DAP: variants seen among roughly 807,000 people sequenced by gnomAD.
DAP encodes death associated protein.
In DAP, 8 loss-of-function variants were observed where a neutral mutation model predicts 13.8. The ratio of observed to expected loss-of-function variants is 0.58; its 90% CI spans 0.34 to 1.05. DAP has a LOEUF of 1.05. DAP is among the 50% of genes least tolerant of loss of function. The probability of loss-of-function intolerance (pLI) is 0.03; values close to 1 mark genes in which losing one functional copy is unlikely to be tolerated. For missense variants in DAP, 106 were observed against 133.2 expected, an observed-to-expected ratio of 0.80 and a Z score of 1.01; for synonymous variants, 47 against 47.5, an observed-to-expected ratio of 0.99 and a Z score of 0.04.
intron 2 of DAP, among the ~76,000 whole-genome samples, chr5:10,688,642 C>G (rs181253054): frequency 6.6e-6 from 1 of 151,758 alleles, no homozygotes; most frequent in Non-Finnish European, 1.5e-5. Context: ...TATTACTGTA[C>G]GTGTGTATTT....
chr5:10,704,263 T>G (rs935772955), intron 2 of DAP, among the ~76,000 whole-genome samples: 2 of 152,242 alleles, frequency 1.3e-5, no homozygotes, highest in African/African-American at 4.8e-5. Context: ...TTAATTTTTC[T>G]ACAGCAAAAT....
chr5:10,739,676 G>T (rs1380008071), intron 2 of DAP, among the ~76,000 whole-genome samples: 1 of 152,106 alleles, frequency 6.6e-6, no homozygotes, highest in Non-Finnish European at 1.5e-5. Flanking sequence ...GCCACTACAA[G>T]TGGGAAGGTT....
intron 2 of DAP, among the ~76,000 whole-genome samples, chr5:10,743,209 T>C (rs1249813914): frequency 1.3e-5 from 2 of 152,242 alleles, no homozygotes; most frequent in South Asian, 2.1e-4. Context: ...CCTTATAGTA[T>C]CCACTTAAAA....
intron 1 of DAP, among the ~76,000 whole-genome samples, chr5:10,759,725 A>C (rs1184143238): frequency 6.7e-6 from 1 of 150,162 alleles, no homozygotes; most frequent in Middle Eastern, 3.4e-3. Context: ...GGAGGACAGC[A>C]GAGAAGGATA....
chr5:10,710,027 C>T (rs1738803541), intron 2 of DAP, among the ~76,000 whole-genome samples: 1 of 152,202 alleles, frequency 6.6e-6, no homozygotes, highest in Non-Finnish European at 1.5e-5. Flanking sequence ...AGGCTGATTG[C>T]CAGGCTCTGT....
At chr5:10,724,155 T>G (rs1739225611) in intron 2 of DAP, among the ~76,000 whole-genome samples, 1 of 152,238 alleles carries the variant, frequency 6.6e-6, no homozygotes. Context: ...TAATCCTGTT[T>G]AAGCCTGAAA....
chr5:10,680,403 C>T lies in DAP; in HGVS notation c.*653G>A, dbSNP rs1658176701. The stretch of plus-strand genomic sequence containing the variant: ...CCGAGATCTCATGCCAGAAGTCCTC[C>T]CTCGGAGCTACCTGTCTCCAGCCTC... On this transcript the variant is annotated 3_prime_UTR_variant, in exon 4 of 4. Coordinates refer to ENST00000230895, the MANE Select transcript of DAP (RefSeq NM_004394.3). The T allele has an allele frequency of 3.0e-6, 1 of 338,690 alleles. No individual in the cohort carries two copies. The highest frequency in any genetic ancestry group is 2.1e-5 in the African/African-American group (1 of 47,062). The allele number at this position is 338,690 out of a possible 1,614,324, so 21.0% of individuals were successfully genotyped here.
chr5:10,735,085 T>A (rs145839688), intron 2 of DAP, among the ~76,000 whole-genome samples: 1 of 152,196 alleles, frequency 6.6e-6, no homozygotes, highest in African/African-American at 2.4e-5. Context: ...AGTATCATCC[T>A]CAATATATCC....
At position 10,721,779 on chromosome 5, in the gene DAP, G is replaced by A. The variant is rs138140801; in HGVS notation, c.152+26396C>T. Among the ~76,000 whole-genome samples the A allele has an allele frequency of 3.5e-3, 534 of 152,302 alleles. 3 individuals are homozygous for A. Among genetic ancestry groups the A allele is most frequent in the African/African-American group, 0.012 (519 of 41,560 alleles). ...CAGCTACGACCATGTGACCAGTTCCGGCTCCAGAAATGGGGACTGTAATTG... is the reference window on the plus strand; with the variant it reads ...CAGCTACGACCATGTGACCAGTTCCAGCTCCAGAAATGGGGACTGTAATTG... On this transcript the variant is annotated intron_variant, in intron 2 of 3. Transcript: ENST00000230895.
intron 2 of DAP, among the ~76,000 whole-genome samples, chr5:10,726,808 C>T (rs1398542159): frequency 6.6e-6 from 1 of 152,174 alleles, no homozygotes; most frequent in Admixed American, 6.5e-5. Flanking sequence ...GGTGCAAGAC[C>T]TCTGAGTCAG....
At chr5:10,739,810 C>T (rs936539654) in intron 2 of DAP, among the ~76,000 whole-genome samples, 2 of 152,016 alleles carry the variant, frequency 1.3e-5, no homozygotes, top group Admixed American at 1.3e-4. Flanking sequence ...CACACACACA[C>T]ACACACACAC....
At chr5:10,746,149 T>G (rs552621484) in intron 2 of DAP, among the ~76,000 whole-genome samples, 3 of 152,340 alleles carry the variant, frequency 2.0e-5, no homozygotes, top group Non-Finnish European at 4.4e-5. Flanking sequence ...TGCAAGGTTT[T>G]ATTCTCCTAA....
chr5:10,745,444 C>T (rs1005141443), intron 2 of DAP, among the ~76,000 whole-genome samples: 3 of 152,184 alleles, frequency 2.0e-5, no homozygotes, highest in African/African-American at 7.2e-5. Context: ...ACCCTGCAGT[C>T]GGCCTGCTTC....
In DAP at chr5:10,761,024, G is replaced by A. The variant is rs1740338359; in HGVS notation, c.45C>T (p.His15=). ...GAAAAGAGTCAGTACCGGCGGGCGG[G>A]TGTCCAGCTTTAGTCTCTAGTTTCC... ...PEGKLETKAG[H]PPAVKAGGMR... Residue 15 remains histidine (H), a synonymous_variant, in exon 1 of 4, where the codon CAC becomes CAT. Transcript: ENST00000230895. The A allele has an allele frequency of 1.6e-6, 2 of 1,217,054 alleles. No individual in the cohort carries two copies. Among genetic ancestry groups the A allele is most frequent in the East Asian group, 6.9e-5 (2 of 28,948 alleles). 75.4% of individuals were successfully genotyped at this position (1,217,054 alleles called of 1,614,324 possible).
At chr5:10,684,206 C>T (rs1026756708) in intron 2 of DAP, among the ~76,000 whole-genome samples, 3 of 152,212 alleles carry the variant, frequency 2.0e-5, no homozygotes, top group East Asian at 3.8e-4. Context: ...GTGAAACAGG[C>T]GCTTCCCTAA....
chr5:10,754,584 A>T (rs1211353133), intron 1 of DAP, among the ~76,000 whole-genome samples: 1 of 152,168 alleles, frequency 6.6e-6, no homozygotes, highest in African/African-American at 2.4e-5. Flanking sequence ...TTTCTGACCC[A>T]AAGGACAAAA....
intron 2 of DAP, among the ~76,000 whole-genome samples, chr5:10,740,634 C>T (rs918702442): frequency 3.9e-5 from 6 of 152,162 alleles, no homozygotes; most frequent in African/African-American, 1.4e-4. Flanking sequence ...AATGGAATGC[C>T]GTGTTTAACA....
Position 10,681,106 on chromosome 5 carries a change from C to G in DAP, c.259G>C (p.Asp87His), listed in dbSNP as rs1366601769. The change falls in exon 4 of 4, where the codon GAC (aspartate) becomes CAC (histidine). Residue 87 changes from aspartate to histidine, a missense_variant. Asp to His is a moderately conservative substitution (Grantham distance 81). Transcript: ENST00000230895. ...VAHQKPHASM[D>H]KHPSPRTQHI... ...TGGGTTCTTGGGGAAGGATGCTTGT[C>G]CATGGAGGCATGCGGCTTCTGGTGA... The G allele has an allele frequency of 6.3e-7, 1 of 1,583,232 alleles. No individual in the cohort carries two copies.
At chr5:10,751,456 G>T (rs1479215039) in intron 1 of DAP, among the ~76,000 whole-genome samples, 1 of 152,108 alleles carries the variant, frequency 6.6e-6, no homozygotes, top group Admixed American at 6.5e-5. Context: ...AATGTTTCGG[G>T]CTCAAGGAAG....
Sources: allele counts gnomAD v4.1 joint callset (sites outside exome capture counted in the v4.1 genomes callset), GRCh38; gene constraint gnomAD v4.1.1; transcripts MANE v1.5; gene names NCBI Gene and HGNC (gene_info 2026-07-23, HGNC 2026-07-21).